GNAL: variants seen among roughly 807,000 people sequenced by gnomAD.
The protein encoded by GNAL is G protein subunit alpha L.
Under a neutral mutation model 55.1 loss-of-function variants are expected in GNAL, and 18 were observed. That is an observed-to-expected ratio of 0.33 (90% CI 0.23 to 0.48). The LOEUF is 0.48. Among genes scored for constraint, GNAL ranks in the 20% least tolerant of loss-of-function variants. The pLI is 0.99. For synonymous variants in GNAL, 253 were observed against 237.0 expected, an observed-to-expected ratio of 1.07 and a Z score of -0.62; for missense variants, 412 against 614.1, an observed-to-expected ratio of 0.67 and a Z score of 3.48.
At chr18:11,730,320 A>G (rs544997236) in intron 1 of GNAL, among the ~76,000 whole-genome samples, 55 of 151,794 alleles carry the variant, frequency 3.6e-4, no homozygotes, top group Non-Finnish European at 3.5e-4. Context: ...CACCACGCCC[A>G]GCTAATTTTT....
At chr18:11,786,443 T>C (rs1598456701) in intron 4 of GNAL, among the ~76,000 whole-genome samples, 4 of 111,256 alleles carry the variant, frequency 3.6e-5, no homozygotes, top group South Asian at 6.8e-4. Context: ...TTTCTTTTTT[T>C]TTTTTTTTTT....
At chr18:11,849,993 C>G (rs752228438) in intron 5 of GNAL, among the ~76,000 whole-genome samples, 1 of 152,134 alleles carries the variant, frequency 6.6e-6, no homozygotes, top group Non-Finnish European at 1.5e-5. Flanking sequence ...AGTATGGCCA[C>G]ACAGAGGAGG....
intron 10 of GNAL, chr18:11,874,380 C>G (rs1044104814): frequency 2.0e-5 from 3 of 151,446 alleles, no homozygotes; most frequent in Non-Finnish European, 4.4e-5. Flanking sequence ...ATTGTGCTGA[C>G]AGAAAGAATC....
At chr18:11,763,718 A>G (rs926951248) in intron 4 of GNAL, among the ~76,000 whole-genome samples, 1 of 152,228 alleles carries the variant, frequency 6.6e-6, no homozygotes, top group Non-Finnish European at 1.5e-5. Flanking sequence ...CAAGAGTCTC[A>G]ATAATTTAAT....
chr18:11,729,685 AGCAGAATCTG>A (rs1251329318), intron 1 of GNAL, among the ~76,000 whole-genome samples: 3 of 152,338 alleles, frequency 2.0e-5, no homozygotes, highest in Non-Finnish European at 2.9e-5. Flanking sequence ...CACACCACCC[AGCAGAATCTG>A]GCATAAAATG....
At position 11,868,361 on chromosome 18, in the gene GNAL, A is replaced by T. The variant is rs2036313700; in HGVS notation, c.911-182A>T. Among the ~76,000 whole-genome samples, 1 of 151,816 alleles carries T rather than the reference A, an allele frequency of 6.6e-6. No homozygotes were observed. Among genetic ancestry groups the T allele is most frequent in the South Asian group, 2.1e-4 (1 of 4,810 alleles). On this transcript the variant is annotated intron_variant, in intron 8 of 11. Coordinates refer to ENST00000334049, the MANE Select transcript of GNAL (RefSeq NM_182978.4). This position sits in a 1 kb window ranked among gnomAD's most constrained non-coding sequence, Gnocchi z 4.0. ...ATGTGTCTTTTGGGGTGGGCTCTTC[A>T]TCAAGTGCGTTACTGAAGCAACCAG...
At chr18:11,824,779 A>G (rs1363967009) in intron 4 of GNAL, 139 bp from the exon 5 acceptor site, 2 of 576,262 alleles carry the variant, frequency 3.5e-6, no homozygotes, top group East Asian at 5.9e-5. Flanking sequence ...GAGTCGGTGC[A>G]TTTTACTATG....
At chr18:11,826,628 C>G (rs190558155) in intron 5 of GNAL, among the ~76,000 whole-genome samples, 1 of 152,170 alleles carries the variant, frequency 6.6e-6, no homozygotes, top group South Asian at 2.1e-4. Context: ...CAGGTGAGTG[C>G]TGGAAACTGA....
chr18:11,803,261 C>T (rs565985499), intron 4 of GNAL, among the ~76,000 whole-genome samples: 1 of 152,298 alleles, frequency 6.6e-6, no homozygotes, highest in Non-Finnish European at 1.5e-5. Flanking sequence ...CCCCTGGCAA[C>T]GATGCTTCTA....
chr18:11,767,435 T>G (rs1297041914), intron 4 of GNAL, among the ~76,000 whole-genome samples: 1 of 151,910 alleles, frequency 6.6e-6, no homozygotes, highest in Non-Finnish European at 1.5e-5. Context: ...TGCACCCTTT[T>G]GCTTGCACAG....
intron 11 of GNAL, among the ~76,000 whole-genome samples, chr18:11,878,936 TG>T (rs2036593821): frequency 6.9e-6 from 1 of 145,418 alleles, no homozygotes; most frequent in Admixed American, 7.0e-5. Flanking sequence ...CCTGGTGCTT[TG>T]GGATTAAAAA....
At chr18:11,735,804 G>A (rs58619905) in intron 1 of GNAL, among the ~76,000 whole-genome samples, 1 of 143,680 alleles carries the variant, frequency 7.0e-6, no homozygotes, top group African/African-American at 2.8e-5. Flanking sequence ...AGGGAAGGAA[G>A]GAAAGGAAGG....
intron 10 of GNAL, 99 bp downstream of exon 10, chr18:11,872,497 T>G: frequency 1.3e-6 from 1 of 783,568 alleles, no homozygotes; most frequent in Non-Finnish European, 2.1e-6. Context: ...TCAAAGAAAT[T>G]CACTTTATTT....
Position 11,788,908 on chromosome 18 carries a change from AAAAAAAATAT to A in GNAL, c.624+34965_624+34974del, listed in dbSNP as rs1177132009. ...CAAGACTCCGTCTCGAAAAAAAAAA[AAAAAAAATAT>A]ATATATATATATATATATACACATA... On this transcript the variant is annotated intron_variant, in intron 4 of 11. Transcript: ENST00000334049. 5.5e-5 allele frequency among the ~76,000 whole-genome samples: 4 copies of A among 73,310 alleles called. No homozygotes were observed. In the South Asian group the frequency reaches 2.3e-3, roughly 43 times the overall value. The allele number at this position is 73,310 out of a possible 152,430, so 48.1% of individuals were successfully genotyped here.
intron 4 of GNAL, among the ~76,000 whole-genome samples, chr18:11,809,051 G>A (rs1221749396): frequency 6.6e-6 from 1 of 152,244 alleles, no homozygotes; most frequent in East Asian, 1.9e-4. Context: ...TGAGGTCAGG[G>A]GTTCAAGACC....
chr18:11,757,438 G>T (rs947373601), intron 4 of GNAL, among the ~76,000 whole-genome samples: 2 of 152,164 alleles, frequency 1.3e-5, no homozygotes, highest in African/African-American at 4.8e-5. Flanking sequence ...AGTTGAAGGA[G>T]GGCAACCACT....
At chr18:11,869,359 G>T (rs1178530438) in intron 9 of GNAL, among the ~76,000 whole-genome samples, 1 of 152,096 alleles carries the variant, frequency 6.6e-6, no homozygotes, top group South Asian at 2.1e-4. Flanking sequence ...TAGCCAGGAT[G>T]GTCTTGATCT....
chr18:11,851,600 A>G lies in GNAL; in HGVS notation c.723-10795A>G, dbSNP rs1053039371. 1.2e-6 allele frequency: 2 copies of G among 1,613,478 alleles called. No individual in the cohort carries two copies. Among genetic ancestry groups the G allele is most frequent in the Non-Finnish European group, 1.7e-6 (2 of 1,179,630 alleles). On this transcript the variant is annotated intron_variant, in intron 5 of 11. Transcript: ENST00000334049. Reference sequence around the variant, plus strand: ...GCCAAAAAATGCGATAAGGAGGAAAAGGCCGAAAAGGCCAAAATTAAAAAG... The same window carrying G: ...GCCAAAAAATGCGATAAGGAGGAAAGGGCCGAAAAGGCCAAAATTAAAAAG...
chr18:11,845,901 A>G (rs538103432), intron 5 of GNAL, among the ~76,000 whole-genome samples: 1 of 152,266 alleles, frequency 6.6e-6, no homozygotes, highest in African/African-American at 2.4e-5. Context: ...CAAATATCCA[A>G]TACAAACTGC....
Sources: allele counts gnomAD v4.1 joint callset (sites outside exome capture counted in the v4.1 genomes callset), GRCh38; gene constraint gnomAD v4.1.1; non-coding constraint Gnocchi (gnomAD v3.1); transcripts MANE v1.5; gene names NCBI Gene and HGNC (gene_info 2026-07-23, HGNC 2026-07-21).